SSBP1: variants seen among roughly 807,000 people sequenced by gnomAD.
SSBP1 encodes single stranded DNA binding protein 1, also known as single-stranded DNA-binding protein, mitochondrial.
In SSBP1, 20 loss-of-function variants were observed where a neutral mutation model predicts 27.0. The ratio of observed to expected loss-of-function variants is 0.74; its 90% confidence interval spans 0.52 to 1.08. The LOEUF is 1.08. SSBP1 is among the 50% of genes least tolerant of loss of function. The pLI, the probability that SSBP1 is intolerant of heterozygous loss-of-function variation, is 0.00. For synonymous variants in SSBP1, 59 were observed against 59.3 expected (o/e 1.00, Z 0.02); for missense variants, 137 against 182.4 (o/e 0.75, Z 1.44).
intron 3 of SSBP1, among the ~76,000 whole-genome samples, chr7:141,743,097 C>T (rs892951227): frequency 1.3e-5 from 2 of 152,236 alleles, no homozygotes; most frequent in Non-Finnish European, 2.9e-5. Context: ...TTGTGATCCG[C>T]CCGCCTTGGC....
rs1799748718 is a variant in SSBP1, at chr7:141,745,554, G to A, written c.373G>A (p.Val125Met). The change falls in exon 6 of 7, where the codon GTG becomes ATG. Residue 125 changes from valine to methionine, a missense_variant. By Grantham distance (21) the Val-to-Met change is conservative. Around this residue, in one of 2 missense-constraint regions of SSBP1, gnomAD observed 95 missense variants for 152.0 expected, o/e 0.62. Coordinates refer to ENST00000265304, the MANE Select transcript of SSBP1 (RefSeq NM_003143.3). ...DYGEYMDKNNVRRQATTIIAD... is the reference protein window; with the variant it reads ...DYGEYMDKNNMRRQATTIIAD... The stretch of plus-strand genomic sequence containing the variant: ...TGGTGAATACATGGATAAAAATAAT[G>A]TGAGGCGACAAGCAACAACAATCAT... 6.2e-7 allele frequency: 1 copy of A among 1,612,932 alleles called. No homozygotes were observed. The highest frequency in any genetic ancestry group is 1.3e-5 in the African/African-American group (1 of 74,870).
At chr7:141,744,942 G>A (rs1421659257) in intron 5 of SSBP1, among the ~76,000 whole-genome samples, 1 of 152,056 alleles carries the variant, frequency 6.6e-6, no homozygotes, top group African/African-American at 2.4e-5. Context: ...TTGTTATCTA[G>A]TTTAGCCTCT....
chr7:141,749,007 G>C (rs1799879302), intron 6 of SSBP1, among the ~76,000 whole-genome samples: 1 of 152,082 alleles, frequency 6.6e-6, no homozygotes. Flanking sequence ...GAATCTTTTG[G>C]AATTATAAAG....
intron 2 of SSBP1, 30 bp downstream of exon 2, chr7:141,739,220 T>C (rs1329291554): frequency 1.2e-5 from 18 of 1,540,648 alleles, no homozygotes; most frequent in Non-Finnish European, 1.4e-5. Flanking sequence ...AATACTGAGA[T>C]GTATTACTAT....
At chr7:141,748,732 G>A (rs1374116322) in intron 6 of SSBP1, among the ~76,000 whole-genome samples, 1 of 152,108 alleles carries the variant, frequency 6.6e-6, no homozygotes, top group Non-Finnish European at 1.5e-5. Flanking sequence ...TGGTAAAATT[G>A]AAGAGCTCTT....
At chr7:141,744,455 T>C (rs1799692619) in intron 5 of SSBP1, among the ~76,000 whole-genome samples, 2 of 152,220 alleles carry the variant, frequency 1.3e-5, no homozygotes, top group African/African-American at 4.8e-5. Context: ...AGTTATTTTA[T>C]ATTTGATGAT....
chr7:141,741,865 T>C (rs2117166459), intron 2 of SSBP1: 1 of 957,266 alleles, frequency 1.0e-6, no homozygotes, highest in African/African-American at 1.7e-5. Flanking sequence ...TTTCCTTTTG[T>C]GTGCAAACAC....
At chr7:141,746,064 A>C in intron 6 of SSBP1, 7 of 787,098 alleles carry the variant, frequency 8.9e-6, no homozygotes, top group Non-Finnish European at 1.1e-5. Context: ...TCTGTCACCC[A>C]GGCTGGAGTG....
intron 6 of SSBP1, among the ~76,000 whole-genome samples, chr7:141,747,772 G>A (rs1014174568): frequency 5.9e-5 from 9 of 151,430 alleles, no homozygotes; most frequent in Admixed American, 3.9e-4. Flanking sequence ...GCTGAGGTGG[G>A]TGGATCATTT....
intron 5 of SSBP1, among the ~76,000 whole-genome samples, chr7:141,744,324 TC>T (rs1422368640): frequency 6.6e-6 from 1 of 152,242 alleles, no homozygotes; most frequent in Non-Finnish European, 1.5e-5. Context: ...TTTGAGGAAT[TC>T]CTGTGCCTCT....
intron 3 of SSBP1, among the ~76,000 whole-genome samples, chr7:141,742,885 T>C (rs913503291): frequency 2.0e-5 from 3 of 152,182 alleles, no homozygotes; most frequent in South Asian, 4.1e-4. Context: ...GACTGAGTCT[T>C]GCTCTGTCGC....
intron 6 of SSBP1, chr7:141,745,786 C>T: frequency 7.6e-7 from 1 of 1,313,252 alleles, no homozygotes; most frequent in African/African-American, 1.5e-5. Context: ...TATTTTTATA[C>T]TTACAGTTTT....
chr7:141,739,117 C>T lies in SSBP1; in HGVS notation c.-43-7C>T, dbSNP rs982223744. The T allele has an allele frequency of 5.9e-6, 9 of 1,532,530 alleles. No individual in the cohort carries two copies. The highest frequency in any genetic ancestry group is 7.0e-6 in the Non-Finnish European group (8 of 1,138,786). The allele number at this position is 1,532,530 out of a possible 1,614,324, so 94.9% of individuals were successfully genotyped here. A position where few individuals can be genotyped will look rare whatever the true frequency, so the allele number is the denominator to read the frequency against. On this transcript the variant is annotated splice_region_variant and splice_polypyrimidine_tract_variant and intron_variant, in intron 1 of 6. Transcript: ENST00000265304. ...TGTTTTTTTCTTATTTTGTTTTTTT[C>T]CTTCAGGAAAAGCCTAAAGATTAGA...
intron 6 of SSBP1, among the ~76,000 whole-genome samples, chr7:141,747,369 T>C (rs1799822634): frequency 6.7e-6 from 1 of 150,208 alleles, no homozygotes; most frequent in Non-Finnish European, 1.5e-5. Flanking sequence ...ACTTCTGAGA[T>C]ATGCCCAAAT....
chr7:141,739,285 C>G (rs1799418798), intron 2 of SSBP1, 95 bp downstream of exon 2: 1 of 1,016,486 alleles, frequency 9.8e-7, no homozygotes, highest in African/African-American at 1.6e-5. Flanking sequence ...GGCAAAAGAC[C>G]TTTGAGCTCA....
chr7:141,745,809 C>A (rs1799761355), intron 6 of SSBP1: 2 of 1,285,128 alleles, frequency 1.6e-6, no homozygotes, highest in African/African-American at 3.0e-5. Context: ...TCACAAGTAA[C>A]TTTTGAATAA....
At chr7:141,744,128 A>T in intron 5 of SSBP1, 139 bp downstream of exon 5, 1 of 695,740 alleles carries the variant, frequency 1.4e-6, no homozygotes. Context: ...GTATTTACTA[A>T]GTCCTTGATA....
chr7:141,743,073 T>C (rs1468307585), intron 3 of SSBP1, among the ~76,000 whole-genome samples: 2 of 152,190 alleles, frequency 1.3e-5, no homozygotes, highest in Non-Finnish European at 2.9e-5. Flanking sequence ...CAGCATGGTC[T>C]CTCTCTCCTG....
chr7:141,743,137 G>A (rs538669793), intron 3 of SSBP1, among the ~76,000 whole-genome samples: 1 of 152,208 alleles, frequency 6.6e-6, no homozygotes, highest in Non-Finnish European at 1.5e-5. Context: ...ACAGGCGTGA[G>A]CCACCGCGCC....
Sources: gnomAD v4.1 joint callset for allele counts (sites outside exome capture counted in the v4.1 genomes callset) on GRCh38, gnomAD v4.1.1 for gene constraint, gnomAD v4.1.1 regional missense constraint, MANE v1.5 for transcripts, NCBI Gene and HGNC (gene_info 2026-07-23, HGNC 2026-07-21) for gene names.